The following NKAIN3 variants were observed in gnomAD, a reference collection of about 807,000 sequenced individuals.
NKAIN3 encodes the protein sodium/potassium transporting ATPase interacting 3, also known as sodium/potassium-transporting ATPase subunit beta-1-interacting protein 3.
Under a neutral mutation model 30.2 loss-of-function variants are expected in NKAIN3, and 25 were observed. The observed-to-expected ratio is 0.83, with a 90% CI of 0.60 to 1.16. NKAIN3 has a LOEUF of 1.16. Ranked by LOEUF, NKAIN3 falls within the 50% of genes most tolerant of loss-of-function variation. NKAIN3 has a pLI of 0.00. For missense variants in NKAIN3, 225 were observed against 254.1 expected (o/e 0.89, Z 0.78); for synonymous variants, 91 against 89.6 (o/e 1.02, Z -0.09).
At chr8:62,867,976 A>G (rs550015622) in intron 4 of NKAIN3, among the ~76,000 whole-genome samples, 57 of 152,356 alleles carry the variant, frequency 3.7e-4, no homozygotes, top group Non-Finnish European at 7.8e-4. Context: ...AATGGCTTTA[A>G]AACATATCAG....
At chr8:62,413,894 A>G (rs1804345257) in intron 1 of NKAIN3, among the ~76,000 whole-genome samples, 1 of 152,120 alleles carries the variant, frequency 6.6e-6, no homozygotes, top group African/African-American at 2.4e-5. Context: ...TTTCACAGAA[A>G]GCCTTATGTG....
At chr8:62,503,926 TG>T (rs1385907441) in intron 1 of NKAIN3, among the ~76,000 whole-genome samples, 2 of 152,180 alleles carry the variant, frequency 1.3e-5, no homozygotes, top group African/African-American at 4.8e-5. Flanking sequence ...CCTGAGGTGA[TG>T]TACCTCCTCA....
At chr8:62,554,434 G>A (rs1809320774) in intron 1 of NKAIN3, among the ~76,000 whole-genome samples, 2 of 152,058 alleles carry the variant, frequency 1.3e-5, no homozygotes, top group South Asian at 2.1e-4. Flanking sequence ...AAATAAATTT[G>A]AACTAGACCT....
chr8:62,599,893 G>T (rs1810940789), intron 3 of NKAIN3, among the ~76,000 whole-genome samples: 1 of 151,924 alleles, frequency 6.6e-6, no homozygotes, highest in South Asian at 2.1e-4. Flanking sequence ...ATCATCAAGG[G>T]CACAATTAAT....
Position 62,971,269 on chromosome 8 carries a change from T to C in NKAIN3, c.*5862T>C, listed in dbSNP as rs1057472850. Reference sequence around the variant, plus strand: ...TTACATCTCATTAGCCAAAACTTGGTCCACCCCCAACTTTGCAGTGAAGAA... The same window carrying C: ...TTACATCTCATTAGCCAAAACTTGGCCCACCCCCAACTTTGCAGTGAAGAA... On this transcript the variant is annotated 3_prime_UTR_variant, in exon 7 of 7. Transcript: ENST00000623646. Among the ~76,000 whole-genome samples the C allele has an allele frequency of 1.3e-5, 2 of 152,204 alleles. No homozygotes were observed. Among genetic ancestry groups the C allele is most frequent in the African/African-American group, 2.4e-5 (1 of 41,454 alleles).
chr8:62,884,357 CA>C (rs1821080216), intron 4 of NKAIN3, among the ~76,000 whole-genome samples: 1 of 151,906 alleles, frequency 6.6e-6, no homozygotes, highest in Non-Finnish European at 1.5e-5. Context: ...CTCCCGGGTT[CA>C]AGATATTCTC....
rs1331334312 is a variant in NKAIN3, at chr8:62,984,308, G to C, written c.*18901G>C. 6.6e-6 allele frequency: 1 copy of C among 152,188 alleles called. No homozygotes were observed. Among genetic ancestry groups the C allele is most frequent in the Non-Finnish European group, 1.5e-5 (1 of 68,024 alleles). 9.4% of individuals were successfully genotyped at this position (152,188 alleles called of 1,614,324 possible). A position where few individuals can be genotyped will look rare whatever the true frequency, so the allele number is the denominator to read the frequency against. On this transcript the variant is annotated 3_prime_UTR_variant, in exon 7 of 7. Transcript: ENST00000623646. Reference sequence around the variant, plus strand: ...TTTCAAAGGCACAGGTTGCTGGTAAGAGGGACAGAAAGACAAGAACATAGT... The same window carrying C: ...TTTCAAAGGCACAGGTTGCTGGTAACAGGGACAGAAAGACAAGAACATAGT...
chr8:62,602,442 G>A (rs1055157825), intron 3 of NKAIN3, among the ~76,000 whole-genome samples: 1 of 152,002 alleles, frequency 6.6e-6, no homozygotes, highest in Non-Finnish European at 1.5e-5. Context: ...CTCAACTCAT[G>A]GGATAATAAT....
At chr8:62,992,213 T>C (rs1200338350) in intron 5 of NKAIN3, among the ~76,000 whole-genome samples, 1 of 151,872 alleles carries the variant, frequency 6.6e-6, no homozygotes, top group Non-Finnish European at 1.5e-5. Flanking sequence ...GGTTTTACCA[T>C]GTTGGCCAGA....
chr8:62,590,921 A>G (rs1426794388), intron 3 of NKAIN3, among the ~76,000 whole-genome samples: 1 of 151,968 alleles, frequency 6.6e-6, no homozygotes, highest in Non-Finnish European at 1.5e-5. Context: ...GTATATTTGG[A>G]CTAACATCTC....
intron 3 of NKAIN3, among the ~76,000 whole-genome samples, chr8:62,738,269 T>C (rs561508326): frequency 6.6e-6 from 1 of 152,292 alleles, no homozygotes; most frequent in East Asian, 1.9e-4. Context: ...ATGACAGTGA[T>C]GATGAGCTTA....
At chr8:62,420,076 C>T (rs1251347929) in intron 1 of NKAIN3, among the ~76,000 whole-genome samples, 2 of 152,126 alleles carry the variant, frequency 1.3e-5, no homozygotes, top group Non-Finnish European at 1.5e-5. Flanking sequence ...TGTCATGTGT[C>T]AGCAGTCAAC....
At chr8:62,886,830 C>T (rs921703288) in intron 4 of NKAIN3, among the ~76,000 whole-genome samples, 1 of 152,128 alleles carries the variant, frequency 6.6e-6, no homozygotes, top group Non-Finnish European at 1.5e-5. Flanking sequence ...CCTCCACCCC[C>T]GACAGACCCC....
chr8:62,628,013 C>T (rs1811841759), intron 3 of NKAIN3, among the ~76,000 whole-genome samples: 1 of 152,130 alleles, frequency 6.6e-6, no homozygotes, highest in Admixed American at 6.6e-5. Flanking sequence ...ATTATCATCA[C>T]AGCCACCCAG....
chr8:62,669,916 T>C (rs961243796), intron 3 of NKAIN3, among the ~76,000 whole-genome samples: 5 of 152,220 alleles, frequency 3.3e-5, no homozygotes, highest in Admixed American at 6.5e-5. Context: ...TTTAAAATGA[T>C]ATATTTTCCT....
At chr8:62,409,174 T>G (rs1157370117) in intron 1 of NKAIN3, among the ~76,000 whole-genome samples, 2 of 152,104 alleles carry the variant, frequency 1.3e-5, no homozygotes, top group African/African-American at 4.8e-5. Flanking sequence ...CTGTATAATA[T>G]TTATATTAAC....
At chr8:62,387,702 G>A (rs1439645790) in intron 1 of NKAIN3, among the ~76,000 whole-genome samples, 18 of 152,178 alleles carry the variant, frequency 1.2e-4, no homozygotes, top group Non-Finnish European at 1.0e-4. Context: ...TGCCTCTAGA[G>A]CTTTGAGAAA....
intron 4 of NKAIN3, among the ~76,000 whole-genome samples, chr8:62,825,090 C>G (rs1818976547): frequency 6.6e-6 from 1 of 152,142 alleles, no homozygotes; most frequent in African/African-American, 2.4e-5. Context: ...AGCTTAGGAC[C>G]AAGTCCATGG....
At chr8:62,485,186 G>A (rs1806859986) in intron 1 of NKAIN3, among the ~76,000 whole-genome samples, 1 of 151,950 alleles carries the variant, frequency 6.6e-6, no homozygotes, top group East Asian at 1.9e-4. Flanking sequence ...TGTCCTCACA[G>A]CATCACAATG....
Sources: allele counts gnomAD v4.1 joint callset (sites outside exome capture counted in the v4.1 genomes callset), GRCh38; gene constraint gnomAD v4.1.1; transcripts MANE v1.5; gene names NCBI Gene and HGNC (gene_info 2026-07-23, HGNC 2026-07-21).